The following ELMO1 variants were observed in gnomAD, a reference collection of about 807,000 sequenced individuals.
The protein encoded by ELMO1 is engulfment and cell motility protein 1.
ELMO1 carries 26 observed loss-of-function variants against 98.9 expected under a neutral mutation model. The ratio of observed to expected loss-of-function variants is 0.26; its 90% CI spans 0.19 to 0.36. The LOEUF (loss-of-function observed/expected upper bound fraction) is 0.36, where lower values mean the gene tolerates loss of function less well. Among genes scored for constraint, ELMO1 ranks in the 10% least tolerant of loss-of-function variants. The pLI, the probability that ELMO1 is intolerant of heterozygous loss-of-function variation, is 1.00. For missense variants in ELMO1, 627 were observed against 935.2 expected, an observed-to-expected ratio of 0.67 and a Z score of 4.30; for synonymous variants, 346 against 346.0, an observed-to-expected ratio of 1.00 and a Z score of 0.00.
At chr7:37,374,747 T>C (rs1344080449) in intron 1 of ELMO1, among the ~76,000 whole-genome samples, 3 of 149,386 alleles carry the variant, frequency 2.0e-5, no homozygotes, top group African/African-American at 7.6e-5. Context: ...CGAGACTCCA[T>C]CTCAAAATAA....
chr7:37,028,669 A>T (rs555426203), intron 15 of ELMO1, among the ~76,000 whole-genome samples: 1 of 152,254 alleles, frequency 6.6e-6, no homozygotes, highest in East Asian at 1.9e-4. Flanking sequence ...TGCATCCTTT[A>T]ACTCCTGGGC....
intron 8 of ELMO1, among the ~76,000 whole-genome samples, chr7:37,228,360 T>TCC (rs1793980988): frequency 6.6e-6 from 1 of 152,170 alleles, no homozygotes; most frequent in Non-Finnish European, 1.5e-5. Context: ...ATTTCCTTTA[T>TCC]CCCCCAAAAG....
chr7:37,203,037 G>A (rs552793680), intron 13 of ELMO1, among the ~76,000 whole-genome samples: 12 of 152,042 alleles, frequency 7.9e-5, no homozygotes, highest in South Asian at 6.3e-4. Flanking sequence ...AACCCACAAC[G>A]GTCCCTGGAC....
chr7:37,101,731 G>A (rs536445679), intron 14 of ELMO1, among the ~76,000 whole-genome samples: 167 of 152,024 alleles, frequency 1.1e-3, no homozygotes, highest in Non-Finnish European at 1.7e-3. Context: ...GAGTCAGCTT[G>A]CACTGGTTAT....
intron 13 of ELMO1, among the ~76,000 whole-genome samples, chr7:37,188,260 C>A (rs973132144): frequency 1.3e-5 from 2 of 151,886 alleles, no homozygotes; most frequent in Non-Finnish European, 2.9e-5. Context: ...GAAAACAGAG[C>A]CCCAGTCCTT....
intron 15 of ELMO1, among the ~76,000 whole-genome samples, chr7:37,036,842 A>G (rs1189160966): frequency 6.6e-6 from 1 of 152,222 alleles, no homozygotes; most frequent in Non-Finnish European, 1.5e-5. Flanking sequence ...ATGACCCAAA[A>G]GTGATAGCAC....
At chr7:37,104,354 A>T (rs1784826615) in intron 14 of ELMO1, among the ~76,000 whole-genome samples, 1 of 152,116 alleles carries the variant, frequency 6.6e-6, no homozygotes, top group Non-Finnish European at 1.5e-5. Flanking sequence ...GTGTGTCAGA[A>T]TCACCTGGAG....
Position 37,417,324 on chromosome 7 carries a change from T to C in ELMO1, c.-74+31351A>G, listed in dbSNP as rs539520088. ...GTCATTTGGGCAGGTGCTAACCCACTAGGACTGTTATCTTTATAAAAAGAG... is the reference window on the plus strand; with the variant it reads ...GTCATTTGGGCAGGTGCTAACCCACCAGGACTGTTATCTTTATAAAAAGAG... On this transcript the variant is annotated intron_variant, in intron 1 of 21. Transcript: ENST00000310758. Among the ~76,000 whole-genome samples, 5 of 152,278 alleles carry C rather than the reference T, an allele frequency of 3.3e-5. No homozygotes were observed. In the South Asian group the frequency reaches 1.0e-3, roughly 32 times the overall value.
At chr7:36,993,603 T>TA (rs1204021307) in intron 16 of ELMO1, among the ~76,000 whole-genome samples, 1 of 152,212 alleles carries the variant, frequency 6.6e-6, no homozygotes, top group African/African-American at 2.4e-5. Flanking sequence ...TCATCAAGAA[T>TA]AAGCTCTATA....
chr7:36,933,618 T>C (rs1402764053), intron 16 of ELMO1, among the ~76,000 whole-genome samples: 1 of 152,138 alleles, frequency 6.6e-6, no homozygotes, highest in Non-Finnish European at 1.5e-5. Flanking sequence ...AACGCTTTCC[T>C]GCTAAGAGGC....
At chr7:37,192,950 T>C (rs1372422662) in intron 13 of ELMO1, among the ~76,000 whole-genome samples, 1 of 139,180 alleles carries the variant, frequency 7.2e-6, no homozygotes, top group African/African-American at 2.6e-5. Context: ...GATACATATA[T>C]ATTTTTTATA....
chr7:37,210,598 G>C (rs1452946851), intron 13 of ELMO1, among the ~76,000 whole-genome samples: 1 of 151,092 alleles, frequency 6.6e-6, no homozygotes, highest in African/African-American at 2.4e-5. Context: ...TACACACACA[G>C]ACACACACAT....
intron 13 of ELMO1, among the ~76,000 whole-genome samples, chr7:37,202,232 GTTAT>G (rs1485792003): frequency 3.3e-5 from 5 of 152,190 alleles, no homozygotes; most frequent in Admixed American, 6.5e-5. Context: ...TACTATCCCA[GTTAT>G]TAATAAGGGA....
chr7:37,343,654 A>G (rs1183626115), intron 1 of ELMO1, among the ~76,000 whole-genome samples: 2 of 151,954 alleles, frequency 1.3e-5, no homozygotes, highest in Admixed American at 6.6e-5. Flanking sequence ...GCTAATTTTT[A>G]TATGTTTAGT....
intron 13 of ELMO1, among the ~76,000 whole-genome samples, chr7:37,167,828 C>T (rs1789830246): frequency 1.3e-5 from 2 of 150,080 alleles, no homozygotes. Flanking sequence ...TGGAGTTGCT[C>T]TTCTCGAGGA....
intron 18 of ELMO1, among the ~76,000 whole-genome samples, chr7:36,882,944 ATATG>A (rs1228999707): frequency 1.3e-5 from 2 of 152,172 alleles, no homozygotes; most frequent in Non-Finnish European, 2.9e-5. Context: ...TAATTTGAAA[ATATG>A]TATTTATTTA....
At chr7:37,055,814 G>A (rs149744627) in intron 15 of ELMO1, among the ~76,000 whole-genome samples, 2,095 of 152,186 alleles carry the variant, frequency 0.014, 18 homozygotes, top group Middle Eastern at 0.041. Context: ...TGTCAGCCAC[G>A]CACCCTGGAG....
chr7:37,216,135 C>CT (rs55829266), intron 11 of ELMO1, among the ~76,000 whole-genome samples: 1,475 of 144,106 alleles, frequency 0.01, 20 homozygotes, highest in African/African-American at 0.031. Context: ...ACACTTAGGG[C>CT]TTTTTTTTTT....
Position 36,973,768 on chromosome 7 carries a change from G to A in ELMO1, c.1437+39531C>T, listed in dbSNP as rs554766537. 5.9e-5 allele frequency among the ~76,000 whole-genome samples: 9 copies of A among 152,326 alleles called. No homozygotes were observed. In the Middle Eastern group the frequency reaches 0.014, roughly 230 times the overall value. ...AGGGAGAGGCGCGAGCGGGAACCGGGGCTGCGCGCGGCGCTTGCGAGCCAG... is the reference window on the plus strand; with the variant it reads ...AGGGAGAGGCGCGAGCGGGAACCGGAGCTGCGCGCGGCGCTTGCGAGCCAG... On this transcript the variant is annotated intron_variant, in intron 16 of 21. Transcript: ENST00000310758.
Sources: allele counts gnomAD v4.1 joint callset (sites outside exome capture counted in the v4.1 genomes callset), GRCh38; gene constraint gnomAD v4.1.1; transcripts MANE v1.5; gene names NCBI Gene and HGNC (gene_info 2026-07-23, HGNC 2026-07-21).